The following PACSIN2 variants were observed in gnomAD, a reference collection of about 807,000 sequenced individuals.
The protein encoded by PACSIN2 is protein kinase C and casein kinase substrate in neurons protein 2.
In PACSIN2, 25 loss-of-function variants were observed where a neutral mutation model predicts 63.8. The ratio of observed to expected loss-of-function variants is 0.39; its 90% CI spans 0.29 to 0.55. The LOEUF (loss-of-function observed/expected upper bound fraction) is 0.55, where lower values mean the gene tolerates loss of function less well. Among genes scored for constraint, PACSIN2 ranks in the 20% least tolerant of loss-of-function variants. The probability of loss-of-function intolerance (pLI) is 0.62; values close to 1 mark genes in which losing one functional copy is unlikely to be tolerated. For synonymous variants in PACSIN2, 255 were observed against 256.2 expected, an observed-to-expected ratio of 1.00 and a Z score of 0.05; for missense variants, 518 against 646.9, an observed-to-expected ratio of 0.80 and a Z score of 2.16.
intron 1 of PACSIN2, among the ~76,000 whole-genome samples, chr22:42,974,506 G>T (rs570276643): frequency 3.9e-5 from 6 of 152,202 alleles, no homozygotes; most frequent in East Asian, 1.9e-4. Context: ...CCACATACAG[G>T]CTTCTTGTCT....
At chr22:43,005,025 T>G (rs1027233762) in intron 1 of PACSIN2, among the ~76,000 whole-genome samples, 5 of 152,280 alleles carry the variant, frequency 3.3e-5, no homozygotes, top group African/African-American at 7.2e-5. Context: ...TATTTATACT[T>G]ATTTTAATTA....
intron 4 of PACSIN2, among the ~76,000 whole-genome samples, chr22:42,889,195 C>A (rs182358695): frequency 1.3e-5 from 2 of 151,962 alleles, no homozygotes; most frequent in East Asian, 3.9e-4. Context: ...GGAACACGCA[C>A]ATGGAGCACG....
intron 1 of PACSIN2, among the ~76,000 whole-genome samples, chr22:42,940,234 G>T (rs774676120): frequency 4.6e-5 from 7 of 152,096 alleles, no homozygotes; most frequent in Non-Finnish European, 1.0e-4. Flanking sequence ...TAACTACTCA[G>T]TAATTAGGAT....
At chr22:42,896,268 G>A (rs1930272517) in intron 2 of PACSIN2, among the ~76,000 whole-genome samples, 1 of 152,156 alleles carries the variant, frequency 6.6e-6, no homozygotes, top group South Asian at 2.1e-4. Flanking sequence ...TATGCAGCCT[G>A]GCTTTTGAGA....
chr22:42,961,290 T>A (rs890925836), intron 1 of PACSIN2, among the ~76,000 whole-genome samples: 1 of 152,202 alleles, frequency 6.6e-6, no homozygotes, highest in African/African-American at 2.4e-5. Flanking sequence ...CTTTTGAAAA[T>A]CTTGTGTTTA....
chr22:42,890,203 T>C (rs1204042289), intron 4 of PACSIN2, among the ~76,000 whole-genome samples: 2 of 152,062 alleles, frequency 1.3e-5, no homozygotes, highest in Non-Finnish European at 1.5e-5. Context: ...GGTTTCATCA[T>C]GTTGGCCAGG....
chr22:42,968,114 G>A (rs559829619), intron 1 of PACSIN2, among the ~76,000 whole-genome samples: 2 of 152,174 alleles, frequency 1.3e-5, no homozygotes, highest in Admixed American at 6.5e-5. Context: ...ATGGTAGCGC[G>A]GGAAGCTGCA....
chr22:42,978,519 T>TG (rs1455857899), intron 1 of PACSIN2, among the ~76,000 whole-genome samples: 1 of 152,214 alleles, frequency 6.6e-6, no homozygotes, highest in Non-Finnish European at 1.5e-5. Flanking sequence ...ACTGCAAAGC[T>TG]GGGCTCTTCA....
intron 1 of PACSIN2, among the ~76,000 whole-genome samples, chr22:42,939,838 C>T (rs1319093311): frequency 2.0e-5 from 3 of 152,196 alleles, no homozygotes; most frequent in Non-Finnish European, 4.4e-5. Context: ...TAGTCATTTG[C>T]TTCTTCGCTA....
At chr22:42,924,849 C>T (rs575209198) in intron 1 of PACSIN2, among the ~76,000 whole-genome samples, 126 of 152,018 alleles carry the variant, frequency 8.3e-4, no homozygotes, top group Non-Finnish European at 1.3e-3. Flanking sequence ...CTCTGCCTCC[C>T]GGGTACACGC....
Position 42,884,451 on chromosome 22 carries a change from G to A in PACSIN2, c.720C>T (p.Arg240=), listed in dbSNP as rs755868374. 2 of 1,614,240 alleles carry A rather than the reference G, an allele frequency of 1.2e-6. No individual in the cohort carries two copies. Among genetic ancestry groups the A allele is most frequent in the Non-Finnish European group, 1.7e-6 (2 of 1,180,040 alleles). The part of the protein sequence containing the change: ...FEQCQQFEEK[R]LRFFREVLLE... Reference sequence around the variant, plus strand: ...GCAGAACCTCCCGGAAGAAGCGAAGGCGTTTCTCCTCGAACTGCTGGCACT... The same window carrying A: ...GCAGAACCTCCCGGAAGAAGCGAAGACGTTTCTCCTCGAACTGCTGGCACT... Residue 240 remains arginine (R), a synonymous_variant, in exon 6 of 11, where the codon CGC becomes CGT. Coordinates refer to ENST00000263246, the MANE Select transcript of PACSIN2 (RefSeq NM_001184970.3).
intron 1 of PACSIN2, among the ~76,000 whole-genome samples, chr22:42,984,346 A>C (rs1601604094): frequency 6.6e-6 from 1 of 152,276 alleles, no homozygotes; most frequent in Non-Finnish European, 1.5e-5. Context: ...TTGTTTAAAG[A>C]CCAGGAAAAG....
intron 1 of PACSIN2, among the ~76,000 whole-genome samples, chr22:42,981,802 C>G (rs1337177042): frequency 1.6e-5 from 2 of 128,420 alleles, no homozygotes; most frequent in East Asian, 5.1e-4. Context: ...GCCCGGCCAG[C>G]CGCCCAGTCC....
intron 1 of PACSIN2, among the ~76,000 whole-genome samples, chr22:42,984,572 C>T (rs977610617): frequency 6.6e-6 from 1 of 152,154 alleles, no homozygotes; most frequent in Non-Finnish European, 1.5e-5. Context: ...CTGACCCAGG[C>T]CAGCGGGTTG....
chr22:42,981,343 G>A (rs1922101058), intron 1 of PACSIN2, among the ~76,000 whole-genome samples: 1 of 145,552 alleles, frequency 6.9e-6, no homozygotes, highest in African/African-American at 2.6e-5. Context: ...ACCCCGTCCG[G>A]GAGGGAGGTG....
chr22:43,013,137 TA>T (rs1264931094), intron 1 of PACSIN2, among the ~76,000 whole-genome samples: 14 of 152,198 alleles, frequency 9.2e-5, no homozygotes, highest in African/African-American at 7.2e-5. Flanking sequence ...CATTTGAGAT[TA>T]AAAGTGATAA....
At chr22:42,988,078 T>C (rs1301412558) in intron 1 of PACSIN2, among the ~76,000 whole-genome samples, 1 of 151,956 alleles carries the variant, frequency 6.6e-6, no homozygotes, top group Non-Finnish European at 1.5e-5. Context: ...TGGAGGTTGC[T>C]GTGAGCCGAG....
chr22:42,922,714 T>C (rs1932275733), intron 1 of PACSIN2, among the ~76,000 whole-genome samples: 1 of 152,208 alleles, frequency 6.6e-6, no homozygotes, highest in Non-Finnish European at 1.5e-5. Context: ...AAGGGACATA[T>C]TTACCATGTG....
chr22:42,929,454 A>G (rs981534619), intron 1 of PACSIN2, among the ~76,000 whole-genome samples: 3 of 152,236 alleles, frequency 2.0e-5, no homozygotes, highest in Non-Finnish European at 4.4e-5. Flanking sequence ...GAACTGAAAC[A>G]CAGTGACAGC....
Sources: allele counts gnomAD v4.1 joint callset (sites outside exome capture counted in the v4.1 genomes callset), GRCh38; gene constraint gnomAD v4.1.1; transcripts MANE v1.5; gene names NCBI Gene and HGNC (gene_info 2026-07-23, HGNC 2026-07-21).